BLCAP: variants seen among roughly 807,000 people sequenced by gnomAD.
The protein encoded by BLCAP is apoptosis inducing factor BLCAP.
A neutral mutation model predicts 5.7 loss-of-function variants in BLCAP; 1 was observed. That is an observed-to-expected ratio of 0.18 (90% CI 0.06 to 0.83). BLCAP has a LOEUF of 0.83. BLCAP is among the 40% of genes least tolerant of loss of function. The pLI is 0.71. For missense variants in BLCAP, 66 were observed against 107.6 expected (o/e 0.61, Z 1.71); for synonymous variants, 48 against 49.4 (o/e 0.97, Z 0.11).
chr20:37,522,598 G>GGGGGGGGGC, intron 1 of BLCAP: 1 of 864,452 alleles, frequency 1.2e-6, no homozygotes, highest in Non-Finnish European at 1.7e-6. Context: ...GCGGGGGTGG[G>GGGGGGGGGC]CACGGCAGCA....
At chr20:37,519,463 T>G in intron 1 of BLCAP, 113 bp from the exon 2 acceptor site, 1 of 293,760 alleles carries the variant, frequency 3.4e-6, no homozygotes, top group Admixed American at 4.9e-5. Context: ...GTATACTTAT[T>G]TGGGAAAATG....
Position 37,518,718 on chromosome 20 carries a change from A to T in BLCAP, c.*193T>A. ...CAACCACAAGACCACCCACGACTAT[A>T]GGACTTTACAATAAAAGCACCGGTC... On this transcript the variant is annotated 3_prime_UTR_variant, in exon 2 of 2. Coordinates refer to ENST00000373537, the MANE Select transcript of BLCAP (RefSeq NM_006698.4). 1 of 799,756 alleles carries T rather than the reference A, an allele frequency of 1.3e-6. No homozygotes were observed. The highest frequency in any genetic ancestry group is 1.9e-6 in the Non-Finnish European group (1 of 518,584). 49.5% of individuals were successfully genotyped at this position (799,756 alleles called of 1,614,324 possible). A position where few individuals can be genotyped will look rare whatever the true frequency, so the allele number is the denominator to read the frequency against.
In BLCAP at chr20:37,521,122, T is replaced by G; in HGVS notation, c.-176-1772A>C. 1 of 618,456 alleles carries G rather than the reference T, an allele frequency of 1.6e-6. No individual in the cohort carries two copies. The highest frequency in any genetic ancestry group is 2.7e-5 in the East Asian group (1 of 36,558). 38.3% of individuals were successfully genotyped at this position (618,456 alleles called of 1,614,324 possible). A position where few individuals can be genotyped will look rare whatever the true frequency, so the allele number is the denominator to read the frequency against. ...GGTCGGTATGGAAAGAGCAGATGGA[T>G]TATTTTTTTCCTCTCCTGGCGAATG... On this transcript the variant is annotated intron_variant, in intron 1 of 1. Coordinates refer to ENST00000373537, the MANE Select transcript of BLCAP (RefSeq NM_006698.4). This position sits in a 1 kb window ranked among gnomAD's most constrained non-coding sequence, Gnocchi z 4.5.
chr20:37,517,599 AGATG>A lies in BLCAP; in HGVS notation c.*1308_*1311del, dbSNP rs1189314255. On this transcript the variant is annotated 3_prime_UTR_variant, in exon 2 of 2. Coordinates refer to ENST00000373537, the MANE Select transcript of BLCAP (RefSeq NM_006698.4). ...CTCTCTTTCCCCTCAGGCAAGAGAGAGATGGATGGATCAGACTGAAAGGACAGGC... is the reference window on the plus strand; with the variant it reads ...CTCTCTTTCCCCTCAGGCAAGAGAGAGATGGATCAGACTGAAAGGACAGGC... 2 of 152,408 alleles carry A rather than the reference AGATG, an allele frequency of 1.3e-5. No individual in the cohort carries two copies. The allele number at this position is 152,408 out of a possible 1,614,324, so 9.4% of individuals were successfully genotyped here.
At chr20:37,524,029 A>G (rs1481158629) in intron 1 of BLCAP, among the ~76,000 whole-genome samples, 3 of 152,102 alleles carry the variant, frequency 2.0e-5, no homozygotes, top group Non-Finnish European at 4.4e-5. Context: ...AGAGGAGGGG[A>G]AAAAGGTGGG....
chr20:37,524,171 A>G (rs1295837667), intron 1 of BLCAP, among the ~76,000 whole-genome samples: 2 of 152,154 alleles, frequency 1.3e-5, no homozygotes, highest in Non-Finnish European at 2.9e-5. Flanking sequence ...GACAATGAGT[A>G]TGGGATAAGA....
At position 37,521,271 on chromosome 20, in the gene BLCAP, C is replaced by T. The variant is rs946650515; in HGVS notation, c.-176-1921G>A. 25 of 1,573,032 alleles carry T rather than the reference C, an allele frequency of 1.6e-5. No individual in the cohort carries two copies. The African/African-American group carries it at 2.8e-4, about 18-fold the overall frequency. On this transcript the variant is annotated intron_variant, in intron 1 of 1. Coordinates refer to ENST00000373537, the MANE Select transcript of BLCAP (RefSeq NM_006698.4). The surrounding 1 kb of genome is among the most constrained non-coding windows in gnomAD (Gnocchi z 4.5). ...CGGCAGTGCGCCCAACAGCGGACTC[C>T]GAGACCAGCGGATCTCGGCAAACCC...
Position 37,518,909 on chromosome 20 carries a change from C to G in BLCAP, c.*2G>C. 6.2e-7 allele frequency: 1 copy of G among 1,613,930 alleles called. No individual in the cohort carries two copies. The highest frequency in any genetic ancestry group is 8.5e-7 in the Non-Finnish European group (1 of 1,179,950). Reference sequence around the variant, plus strand: ...TCCTTGGAAAGCTAACAGGGCAGGCCGTTAGGTGCCCACAACGCCGGGATC... The same window carrying G: ...TCCTTGGAAAGCTAACAGGGCAGGCGGTTAGGTGCCCACAACGCCGGGATC... On this transcript the variant is annotated 3_prime_UTR_variant, in exon 2 of 2. Transcript: ENST00000373537.
intron 1 of BLCAP, chr20:37,523,096 C>G (rs2071646454): frequency 1.2e-5 from 3 of 260,076 alleles, no homozygotes; most frequent in Non-Finnish European, 2.2e-5. Context: ...AGCCCCGAAG[C>G]CAGGGCCATG....
At chr20:37,524,541 T>G (rs1802111138) in intron 1 of BLCAP, 1 of 152,282 alleles carries the variant, frequency 6.6e-6, no homozygotes, top group African/African-American at 2.4e-5. Flanking sequence ...GCCTTGTCTC[T>G]GGCTTTATGT....
chr20:37,523,059 T>G (rs62206361), intron 1 of BLCAP: 7 of 355,230 alleles, frequency 2.0e-5, no homozygotes, highest in Non-Finnish European at 3.6e-5. Context: ...CATTCTGATC[T>G]GGACAAAGTC....
At position 37,521,160 on chromosome 20, in the gene BLCAP, A is replaced by C. The variant is rs1376526556; in HGVS notation, c.-176-1810T>G. On this transcript the variant is annotated intron_variant, in intron 1 of 1. Coordinates refer to ENST00000373537, the MANE Select transcript of BLCAP (RefSeq NM_006698.4). This position sits in a 1 kb window ranked among gnomAD's most constrained non-coding sequence, Gnocchi z 4.5. ...CTCCTGGCGAATGAGGAGCGCCCCCAGCCACCCCTCCTCATAAACACCCCC... is the reference window on the plus strand; with the variant it reads ...CTCCTGGCGAATGAGGAGCGCCCCCCGCCACCCCTCCTCATAAACACCCCC... 13 of 684,048 alleles carry C rather than the reference A, an allele frequency of 1.9e-5. No individual in the cohort carries two copies. The East Asian group carries it at 3.3e-4, about 17-fold the overall frequency. 42.4% of individuals were successfully genotyped at this position (684,048 alleles called of 1,614,324 possible). A position where few individuals can be genotyped will look rare whatever the true frequency, so the allele number is the denominator to read the frequency against.
intron 1 of BLCAP, chr20:37,522,728 TGGG>T: frequency 6.2e-7 from 1 of 1,610,714 alleles, no homozygotes; most frequent in Non-Finnish European, 8.5e-7. Flanking sequence ...CGGCAGGTGT[TGGG>T]GGAGCGCAGG....
chr20:37,522,853 C>T, intron 1 of BLCAP: 1 of 1,140,110 alleles, frequency 8.8e-7, no homozygotes, highest in South Asian at 1.5e-5. Flanking sequence ...AATGTGGGGT[C>T]CCCTGTGTTC....
chr20:37,521,311 C>T lies in BLCAP; in HGVS notation c.-176-1961G>A, dbSNP rs1258449756. 2 of 1,613,390 alleles carry T rather than the reference C, an allele frequency of 1.2e-6. No homozygotes were observed. The highest frequency in any genetic ancestry group is 1.7e-6 in the Non-Finnish European group (2 of 1,179,362). The stretch of plus-strand genomic sequence containing the variant: ...TCGGCAAACCCTCTTTCTCGACCAC[C>T]CACCTACCATTCTTGGAACCATGGC... On this transcript the variant is annotated intron_variant, in intron 1 of 1. Coordinates refer to ENST00000373537, the MANE Select transcript of BLCAP (RefSeq NM_006698.4). The surrounding 1 kb of genome is among the most constrained non-coding windows in gnomAD (Gnocchi z 4.5).
chr20:37,518,806 T>C lies in BLCAP; in HGVS notation c.*105A>G, dbSNP rs1436157334. The stretch of plus-strand genomic sequence containing the variant: ...GGCCAAAAAGGCGCCGTCAGGAATG[T>C]GACACCCGCGAGGCTGCGGGATTTG... On this transcript the variant is annotated 3_prime_UTR_variant, in exon 2 of 2. Transcript: ENST00000373537. 3 of 1,477,464 alleles carry C rather than the reference T, an allele frequency of 2.0e-6. No individual in the cohort carries two copies. The East Asian group carries it at 6.8e-5, about 34-fold the overall frequency. 91.5% of individuals were successfully genotyped at this position (1,477,464 alleles called of 1,614,324 possible). A position where few individuals can be genotyped will look rare whatever the true frequency, so the allele number is the denominator to read the frequency against.
chr20:37,519,611 A>T (rs963127978), intron 1 of BLCAP, among the ~76,000 whole-genome samples: 36 of 151,978 alleles, frequency 2.4e-4, no homozygotes, highest in Admixed American at 4.6e-4. Flanking sequence ...GATCGGGGAG[A>T]GGGCTCTTTG....
chr20:37,526,115 G>A (rs1378213658), intron 1 of BLCAP, among the ~76,000 whole-genome samples: 1 of 152,124 alleles, frequency 6.6e-6, no homozygotes, highest in East Asian at 1.9e-4. Flanking sequence ...CTGCTGTCAG[G>A]GAAGGGCAGG....
chr20:37,522,442 T>C, intron 1 of BLCAP: 1 of 1,613,188 alleles, frequency 6.2e-7, no homozygotes, highest in East Asian at 2.2e-5. Flanking sequence ...AAGTGAGGTA[T>C]ACCTAAGTTG....
Sources: allele counts gnomAD v4.1 joint callset (sites outside exome capture counted in the v4.1 genomes callset), GRCh38; gene constraint gnomAD v4.1.1; non-coding constraint Gnocchi (gnomAD v3.1); transcripts MANE v1.5; gene names NCBI Gene and HGNC (gene_info 2026-07-23, HGNC 2026-07-21).